The following MICU3 variants were observed in gnomAD, a reference collection of about 807,000 sequenced individuals.
The protein encoded by MICU3 is mitochondrial calcium uptake 3.
Under a neutral mutation model 66.5 loss-of-function variants are expected in MICU3, and 62 were observed. That is an observed-to-expected ratio of 0.93 (90% confidence interval 0.76 to 1.15). The LOEUF (loss-of-function observed/expected upper bound fraction) is 1.15. Ranked by LOEUF, MICU3 falls within the 50% of genes most tolerant of loss-of-function variation. The pLI is 0.00. For missense variants in MICU3, 779 were observed against 664.4 expected (o/e 1.17, Z -1.90); for synonymous variants, 308 against 240.7 (o/e 1.28, Z -2.59).
chr8:17,130,506 C>A, the MICU3 span, among the ~76,000 whole-genome samples: 1 of 151,032 alleles, frequency 6.6e-6, no homozygotes, highest in African/African-American at 2.4e-5. Flanking sequence ...GAGCAAGACT[C>A]TGTCTCAAAA....
At position 17,121,483 on chromosome 8, in the gene MICU3, A is replaced by G. The variant is rs954714712; in HGVS notation, c.*1196A>G. The G allele has an allele frequency of 2.0e-5, 3 of 152,024 alleles. No individual in the cohort carries two copies. Among genetic ancestry groups the G allele is most frequent in the African/African-American group, 4.8e-5 (2 of 41,420 alleles). 9.4% of individuals were successfully genotyped at this position (152,024 alleles called of 1,614,324 possible). The stretch of plus-strand genomic sequence containing the variant: ...TTAAAAATGCTTAGTTTATACAAAG[A>G]TACTACACAAAAATAGAACAATTAG... On this transcript the variant is annotated 3_prime_UTR_variant, in exon 15 of 15. Coordinates refer to ENST00000318063, the MANE Select transcript of MICU3 (RefSeq NM_181723.3).
Position 17,105,481 on chromosome 8 carries a change from C to G in MICU3, c.1154C>G (p.Thr385Ser). ...CTTTCCTACTCAAATGGAATGAATACCATCAGTGAAGAAGATTTTGCTCAT... is the reference window on the plus strand; with the variant it reads ...CTTTCCTACTCAAATGGAATGAATAGCATCAGTGAAGAAGATTTTGCTCAT... ...EFLSYSNGMN[T>S]ISEEDFAHIL... Residue 385 changes from threonine to serine, a missense_variant, in exon 11 of 15, where the codon ACC (threonine) becomes AGC (serine). By Grantham distance (58) the Thr-to-Ser change is moderately conservative. Transcript: ENST00000318063. The G allele has an allele frequency of 6.4e-7, 1 of 1,572,546 alleles. No homozygotes were observed. Among genetic ancestry groups the G allele is most frequent in the Non-Finnish European group, 8.7e-7 (1 of 1,153,970 alleles).
intron 8 of MICU3, among the ~76,000 whole-genome samples, chr8:17,091,277 C>T (rs1800022458): frequency 6.6e-6 from 1 of 152,034 alleles, no homozygotes; most frequent in South Asian, 2.1e-4. Context: ...TTTTGGTTAG[C>T]CCAGCTGCTA....
chr8:17,103,485 A>G (rs1239620326), intron 9 of MICU3, among the ~76,000 whole-genome samples: 2 of 151,766 alleles, frequency 1.3e-5, no homozygotes, highest in Non-Finnish European at 2.9e-5. Flanking sequence ...CTTTTTTCAC[A>G]TTTCCTAGGA....
chr8:17,079,861 T>A (rs1014295777), intron 4 of MICU3, among the ~76,000 whole-genome samples: 1 of 152,140 alleles, frequency 6.6e-6, no homozygotes, highest in African/African-American at 2.4e-5. Context: ...ATGTTATGCA[T>A]TTAAATAATA....
intron 1 of MICU3, among the ~76,000 whole-genome samples, chr8:17,051,135 T>G (rs892813622): frequency 1.3e-5 from 2 of 152,178 alleles, no homozygotes; most frequent in Non-Finnish European, 2.9e-5. Flanking sequence ...ATTGAACATG[T>G]TTTATTACAT....
intron 9 of MICU3, among the ~76,000 whole-genome samples, chr8:17,101,291 C>T (rs777903949): frequency 6.6e-6 from 1 of 151,782 alleles, no homozygotes; most frequent in Non-Finnish European, 1.5e-5. Context: ...ACAAGAATCA[C>T]AGGGATAAAG....
At chr8:17,076,885 A>G (rs1371266106) in intron 3 of MICU3, among the ~76,000 whole-genome samples, 1 of 152,236 alleles carries the variant, frequency 6.6e-6, no homozygotes, top group Non-Finnish European at 1.5e-5. Flanking sequence ...ATCTGAAAAT[A>G]GAAGTGGGTT....
intron 1 of MICU3, among the ~76,000 whole-genome samples, chr8:17,053,716 A>G (rs772537900): frequency 2.0e-5 from 3 of 152,224 alleles, no homozygotes; most frequent in Non-Finnish European, 4.4e-5. Flanking sequence ...GAAATCATGT[A>G]TATTTTTATC....
intron 13 of MICU3, 133 bp from the exon 14 acceptor site, chr8:17,118,574 C>A (rs187155108): frequency 2.0e-5 from 10 of 503,084 alleles, no homozygotes; most frequent in Non-Finnish European, 3.5e-5. Context: ...AGTCCCCCAG[C>A]CTTCCAGCCT....
intron 9 of MICU3, 55 bp from the exon 10 acceptor site, chr8:17,104,336 C>A: frequency 1.3e-6 from 1 of 765,288 alleles, no homozygotes; most frequent in Non-Finnish European, 2.0e-6. Flanking sequence ...TATTGGGTAT[C>A]CCTATTCTGT....
At chr8:17,117,195 G>T (rs910471715) in intron 13 of MICU3, among the ~76,000 whole-genome samples, 6 of 151,722 alleles carry the variant, frequency 4.0e-5, no homozygotes, top group African/African-American at 1.2e-4. Context: ...CCAGGCTGAC[G>T]TTGAACTCCT....
chr8:17,117,388 C>A (rs987922684), intron 13 of MICU3, among the ~76,000 whole-genome samples: 1 of 151,954 alleles, frequency 6.6e-6, no homozygotes, highest in Admixed American at 6.6e-5. Flanking sequence ...ATTTTTTTAT[C>A]GAAATCTTAC....
chr8:17,109,780 C>G (rs1802038227), intron 11 of MICU3, among the ~76,000 whole-genome samples: 1 of 152,008 alleles, frequency 6.6e-6, no homozygotes, highest in Non-Finnish European at 1.5e-5. Flanking sequence ...ACTAGGTAAA[C>G]TTATCTAGGA....
chr8:17,130,832 C>G, the MICU3 span, among the ~76,000 whole-genome samples: 2 of 152,198 alleles, frequency 1.3e-5, no homozygotes, highest in East Asian at 3.9e-4. Context: ...ATAAATTCAA[C>G]CAAATTAGTA....
chr8:17,138,157 T>C, the MICU3 span, among the ~76,000 whole-genome samples: 1 of 152,220 alleles, frequency 6.6e-6, no homozygotes, highest in Admixed American at 6.6e-5. Context: ...GAATTTGATG[T>C]TTAAAGAGTT....
At chr8:17,073,801 T>C (rs1304126730) in intron 3 of MICU3, among the ~76,000 whole-genome samples, 1 of 152,100 alleles carries the variant, frequency 6.6e-6, no homozygotes, top group Non-Finnish European at 1.5e-5. Flanking sequence ...AAACCCAGGA[T>C]AAATGTAGAA....
rs190648292 is a variant in MICU3 at position 17,060,554 on chromosome 8, C to T, written c.382-3530C>T. On this transcript the variant is annotated intron_variant, in intron 1 of 14. Transcript: ENST00000318063. ...CTCGAACTCCTGACCTCAAGTGATC[C>T]GCCTGCCTCGGCCTCCCATAGTGCT... Among the ~76,000 whole-genome samples, 21 of 152,252 alleles carry T rather than the reference C, an allele frequency of 1.4e-4. No individual in the cohort carries two copies. The South Asian group carries it at 2.1e-3, about 15-fold the overall frequency.
chr8:17,056,937 T>C (rs1432141745), intron 1 of MICU3, among the ~76,000 whole-genome samples: 1 of 152,230 alleles, frequency 6.6e-6, no homozygotes, highest in Non-Finnish European at 1.5e-5. Flanking sequence ...ATCTAAAATA[T>C]TCCCGGAGCT....
Sources: gnomAD v4.1 joint callset for allele counts (sites outside exome capture counted in the v4.1 genomes callset) on GRCh38, gnomAD v4.1.1 for gene constraint, MANE v1.5 for transcripts, NCBI Gene and HGNC (gene_info 2026-07-23, HGNC 2026-07-21) for gene names.